ABCC8: variants seen among roughly 807,000 people sequenced by gnomAD.
ABCC8 encodes the protein ATP-binding cassette sub-family C member 8.
A neutral mutation model predicts 188.0 loss-of-function variants in ABCC8; 137 were observed. The observed-to-expected ratio is 0.73, with a 90% confidence interval of 0.63 to 0.84. ABCC8 has a LOEUF of 0.84. Among genes scored for constraint, ABCC8 ranks in the 40% least tolerant of loss-of-function variants. The probability of loss-of-function intolerance (pLI) is 0.00; values close to 1 mark genes in which losing one functional copy is unlikely to be tolerated. For synonymous variants in ABCC8, 797 were observed against 846.5 expected (o/e 0.94, Z 1.01); for missense variants, 1,750 against 2,072.7 (o/e 0.84, Z 3.02).
chr11:17,468,923 A>G (rs971362339), intron 3 of ABCC8, among the ~76,000 whole-genome samples: 14 of 152,122 alleles, frequency 9.2e-5, no homozygotes, highest in African/African-American at 2.4e-5. Context: ...AGTATTTAAC[A>G]TCTCAGAAGC....
intron 3 of ABCC8, chr11:17,465,700 T>C (rs989614276): frequency 6.6e-6 from 1 of 152,232 alleles, no homozygotes; most frequent in Non-Finnish European, 1.5e-5. Flanking sequence ...CATTAACAAA[T>C]GCTGTCTATT....
At chr11:17,460,872 G>A in intron 5 of ABCC8, 196 bp from the exon 6 acceptor site, 3 of 1,113,264 alleles carry the variant, frequency 2.7e-6, no homozygotes, top group Non-Finnish European at 3.7e-6. Flanking sequence ...CACCAACATG[G>A]TCTAGATGGG....
chr11:17,440,136 C>A (rs1179589990), intron 10 of ABCC8, among the ~76,000 whole-genome samples: 3 of 152,180 alleles, frequency 2.0e-5, no homozygotes, highest in Non-Finnish European at 4.4e-5. Flanking sequence ...GTGCCAGGAA[C>A]CTTGGGGACC....
At position 17,393,550 on chromosome 11, in the gene ABCC8, C is replaced by T. The variant is rs1416964598; in HGVS notation, c.4608+147G>A. On this transcript the variant is annotated intron_variant, in intron 38 of 38. Coordinates refer to ENST00000389817, the MANE Select transcript of ABCC8 (RefSeq NM_000352.6). The stretch of plus-strand genomic sequence containing the variant: ...CAACCCAGGCTCCCTGCATGCCCTC[C>T]AGGCCCCTTGCCCTGAACTGCCTGC... 6.8e-6 allele frequency: 9 copies of T among 1,329,882 alleles called. No homozygotes were observed. The East Asian group carries it at 9.2e-5, about 14-fold the overall frequency. 82.4% of individuals were successfully genotyped at this position (1,329,882 alleles called of 1,614,324 possible).
intron 2 of ABCC8, among the ~76,000 whole-genome samples, chr11:17,471,586 T>C (rs144522518): frequency 2.0e-3 from 305 of 152,322 alleles, no homozygotes; most frequent in African/African-American, 6.9e-3. Context: ...TCCATACTCC[T>C]TTGCCAGTGT....
At chr11:17,409,682 CTGT>C (rs1203334613) in intron 22 of ABCC8, among the ~76,000 whole-genome samples, 1 of 152,034 alleles carries the variant, frequency 6.6e-6, no homozygotes, top group East Asian at 1.9e-4. Flanking sequence ...TCAATTTTGG[CTGT>C]TGTTTAGAGG....
chr11:17,410,231 G>A (rs1954743285), intron 22 of ABCC8: 3 of 423,896 alleles, frequency 7.1e-6, no homozygotes, highest in Admixed American at 7.3e-5. Context: ...AAGGTGAGAA[G>A]TGAGCACTTG....
chr11:17,396,288 T>A (rs903425380), intron 33 of ABCC8: 14 of 413,322 alleles, frequency 3.4e-5, no homozygotes, highest in Non-Finnish European at 5.5e-5. Context: ...GTGGTATGCA[T>A]GGATGTGTCT....
chr11:17,405,368 G>C, intron 27 of ABCC8, 126 bp downstream of exon 27: 1 of 1,451,356 alleles, frequency 6.9e-7, no homozygotes. Flanking sequence ...ATCGGATCGG[G>C]GACACTGGCT....
Position 17,407,113 on chromosome 11 carries a change from G to C in ABCC8, c.2937C>G (p.Ser979Arg). ...EEEEEEEAAE[S>R]EEDDNLSSML... ...TGGACGACAGGTTGTCATCCTCCTC[G>C]CTCTCAGCTGCCTCCTCTGCAGGCC... Residue 979 changes from serine to arginine, a missense_variant, in exon 25 of 39, where the codon AGC becomes AGG. Coordinates refer to ENST00000389817, the MANE Select transcript of ABCC8 (RefSeq NM_000352.6). 6.2e-7 allele frequency: 1 copy of C among 1,612,324 alleles called. No individual in the cohort carries two copies. Among genetic ancestry groups the C allele is most frequent in the Non-Finnish European group, 8.5e-7 (1 of 1,179,818 alleles).
chr11:17,431,327 G>A (rs1003221533), intron 11 of ABCC8, among the ~76,000 whole-genome samples: 12 of 152,214 alleles, frequency 7.9e-5, no homozygotes, highest in African/African-American at 2.9e-4. Context: ...CGTAAACAGA[G>A]TGATTACGAA....
At chr11:17,474,805 G>T in intron 2 of ABCC8, 81 bp downstream of exon 2, 3 of 1,447,200 alleles carry the variant, frequency 2.1e-6, no homozygotes, top group Non-Finnish European at 1.9e-6. Context: ...GTGGAATATA[G>T]GTGAGCTAGG....
intron 7 of ABCC8, among the ~76,000 whole-genome samples, chr11:17,449,357 T>A (rs1282896709): frequency 6.6e-6 from 1 of 152,234 alleles, no homozygotes; most frequent in African/African-American, 2.4e-5. Flanking sequence ...AGTGGCCTTC[T>A]CCAGCCTAGG....
chr11:17,439,572 C>T (rs932995491), intron 10 of ABCC8, among the ~76,000 whole-genome samples: 3 of 152,088 alleles, frequency 2.0e-5, no homozygotes, highest in African/African-American at 7.2e-5. Flanking sequence ...CCAGGAGGTA[C>T]CCTGCACCCT....
At chr11:17,402,180 A>G (rs1223173990) in intron 29 of ABCC8, among the ~76,000 whole-genome samples, 1 of 152,146 alleles carries the variant, frequency 6.6e-6, no homozygotes, top group Non-Finnish European at 1.5e-5. Flanking sequence ...CACCTTACAC[A>G]GAGAGGTTAT....
chr11:17,418,129 A>G (rs1430588025), intron 16 of ABCC8, among the ~76,000 whole-genome samples: 1 of 152,170 alleles, frequency 6.6e-6, no homozygotes, highest in Non-Finnish European at 1.5e-5. Flanking sequence ...CACTTTACAG[A>G]TAAAGAAAGT....
At chr11:17,412,896 A>G in intron 20 of ABCC8, 150 bp from the exon 21 acceptor site, 1 of 1,493,022 alleles carries the variant, frequency 6.7e-7, no homozygotes, top group Admixed American at 2.0e-5. Flanking sequence ...AGGAACTTGC[A>G]CGTGTTTACT....
chr11:17,431,169 G>A (rs1469874076), intron 11 of ABCC8: 12 of 757,590 alleles, frequency 1.6e-5, no homozygotes, highest in Non-Finnish European at 2.3e-5. Context: ...GAGAGCAGGG[G>A]CTGCTCCCTC....
intron 28 of ABCC8, 56 bp from the exon 29 acceptor site, chr11:17,402,809 G>A: frequency 6.3e-7 from 1 of 1,598,684 alleles, no homozygotes; most frequent in Non-Finnish European, 8.6e-7. Flanking sequence ...GCTCGGCCTG[G>A]GCCTGAAGCC....
Sources: gnomAD v4.1 joint callset for allele counts (sites outside exome capture counted in the v4.1 genomes callset) on GRCh38, gnomAD v4.1.1 for gene constraint, MANE v1.5 for transcripts, NCBI Gene and HGNC (gene_info 2026-07-23, HGNC 2026-07-21) for gene names.